Variants in BGN observed in about 807,000 individuals in gnomAD.
BGN encodes bone/cartilage proteoglycan-I.
Under a neutral mutation model 20.0 loss-of-function variants are expected in BGN, and 6 were observed. The observed-to-expected ratio is 0.30, with a 90% confidence interval of 0.16 to 0.59. The LOEUF (loss-of-function observed/expected upper bound fraction) is 0.59, where lower values mean the gene tolerates loss of function less well. BGN is among the 20% of genes least tolerant of loss of function. The pLI is 0.88. For synonymous variants in BGN, 146 were observed against 134.6 expected, an observed-to-expected ratio of 1.08 and a Z score of -0.59; for missense variants, 292 against 312.1, an observed-to-expected ratio of 0.94 and a Z score of 0.49.
chrX:153,505,593 C>T (rs2124235194), intron 3 of BGN, among the ~76,000 whole-genome samples: 1 of 112,091 alleles, frequency 8.9e-6, no homozygotes, highest in East Asian at 2.8e-4. Context: ...CGTTTCATCA[C>T]GTCCACTCCT....
chrX:153,503,714 C>T (rs1256372383), intron 1 of BGN, among the ~76,000 whole-genome samples: 2 of 112,382 alleles, frequency 1.8e-5, no homozygotes, highest in African/African-American at 3.2e-5. Flanking sequence ...CTCGCCGCCT[C>T]GGCCTGGGGG....
chrX:153,503,691 G>C (rs2980049), intron 1 of BGN, among the ~76,000 whole-genome samples: 47,163 of 110,878 alleles, frequency 0.43, 8,417 homozygotes, highest in East Asian at 0.87. Flanking sequence ...GGGCTGCTTC[G>C]CCTCCACTCC....
At chrX:153,504,966 G>A (rs1043247461) in intron 2 of BGN, 97 bp downstream of exon 2, 17 of 906,937 alleles carry the variant, frequency 1.9e-5, no homozygotes, top group Admixed American at 5.3e-5. Flanking sequence ...CCTGTGGGAC[G>A]GTGGCGAGCA....
intron 1 of BGN, among the ~76,000 whole-genome samples, chrX:153,502,254 C>A (rs1203693884): frequency 2.7e-5 from 3 of 112,599 alleles, no homozygotes; most frequent in Non-Finnish European, 5.6e-5. Flanking sequence ...CACCCCAACC[C>A]TACCTGTCCA....
chrX:153,503,371 C>T (rs1292602700), intron 1 of BGN, among the ~76,000 whole-genome samples: 4 of 112,300 alleles, frequency 3.6e-5, no homozygotes, highest in Admixed American at 9.3e-5. Flanking sequence ...CCTGGGCGTG[C>T]GACTGCTTCA....
At chrX:153,501,658 C>CA (rs1466297882) in intron 1 of BGN, among the ~76,000 whole-genome samples, 1 of 112,398 alleles carries the variant, frequency 8.9e-6, no homozygotes, top group Non-Finnish European at 1.9e-5. Context: ...GGAGAGGTCT[C>CA]AGTTTTGTGC....
chrX:153,495,035 C>G lies in BGN; in HGVS notation c.-90C>G, dbSNP rs1352097169. The G allele has an allele frequency of 9.1e-6, 1 of 109,818 alleles. No homozygotes were observed. Among genetic ancestry groups the G allele is most frequent in the Non-Finnish European group, 1.9e-5 (1 of 52,523 alleles). 9.1% of individuals were successfully genotyped at this position (109,818 alleles called of 1,213,427 possible). A position where few individuals can be genotyped will look rare whatever the true frequency, so the allele number is the denominator to read the frequency against. On this transcript the variant is annotated 5_prime_UTR_variant, in exon 1 of 8. Coordinates refer to ENST00000331595, the MANE Select transcript of BGN (RefSeq NM_001711.6). ...GCTGCTTTCGGTCCGCCGGACACAC[C>G]GGACAGATAGACGTGCGGACGGCCC... is the stretch of plus-strand genomic sequence containing the variant.
At position 153,506,556 on chromosome X, in the gene BGN, G is replaced by T. The variant is rs2089802018; in HGVS notation, c.593G>T (p.Ser198Ile). The T allele has an allele frequency of 1.7e-6, 2 of 1,211,633 alleles. No individual in the cohort carries two copies. The highest frequency in any genetic ancestry group is 2.2e-6 in the Non-Finnish European group (2 of 895,441). The stretch of plus-strand genomic sequence containing the variant: ...ATGGGCGGGAACCCACTGGAGAACA[G>T]TGGCTTTGAACCTGGAGCCTTCGAT... Reference protein sequence around the residue: ...IEMGGNPLENSGFEPGAFDGL... With the variant: ...IEMGGNPLENIGFEPGAFDGL... Residue 198 changes from serine (S) to isoleucine (I), a missense_variant, in exon 5 of 8, where the codon AGT becomes ATT. Ser to Ile is a moderately radical substitution (Grantham distance 142). Transcript: ENST00000331595.
chrX:153,503,601 G>A (rs1430297758), intron 1 of BGN, among the ~76,000 whole-genome samples: 2 of 112,131 alleles, frequency 1.8e-5, no homozygotes, highest in South Asian at 3.7e-4. Context: ...GCACATTCCC[G>A]GCTGCCTCTG....
At position 153,508,693 on chromosome X, in the gene BGN, C is replaced by T. The variant is rs2089821039; in HGVS notation, c.*248C>T. The T allele has an allele frequency of 2.4e-6, 1 of 421,589 alleles. No individual in the cohort carries two copies. The highest frequency in any genetic ancestry group is 2.5e-5 in the African/African-American group (1 of 40,045). 34.7% of individuals were successfully genotyped at this position (421,589 alleles called of 1,213,427 possible). A position where few individuals can be genotyped will look rare whatever the true frequency, so the allele number is the denominator to read the frequency against. On this transcript the variant is annotated 3_prime_UTR_variant, in exon 8 of 8. Transcript: ENST00000331595. ...TTGGCCTCAGAGCTGCCCCTGCTCT[C>T]CCACCACAGCCACCCAGAGGCACCC...
In BGN at chrX:153,508,805, G is replaced by C; in HGVS notation, c.*360G>C. 1 of 272,588 alleles carries C rather than the reference G, an allele frequency of 3.7e-6. No individual in the cohort carries two copies. The highest frequency in any genetic ancestry group is 8.2e-5 in the East Asian group (1 of 12,251). 22.5% of individuals were successfully genotyped at this position (272,588 alleles called of 1,213,427 possible). ...ACAGTCCCTGGGTCAGCAGCCAGGA[G>C]GCGGTCCATAAGAATGGGGACAGTG... On this transcript the variant is annotated 3_prime_UTR_variant, in exon 8 of 8. Coordinates refer to ENST00000331595, the MANE Select transcript of BGN (RefSeq NM_001711.6).
chrX:153,507,083 G>A lies in BGN; in HGVS notation c.807G>A (p.Glu269=), dbSNP rs373201465. 139 of 1,207,935 alleles carry A rather than the reference G, an allele frequency of 1.2e-4. No homozygotes were observed. The highest frequency in any genetic ancestry group is 2.6e-5 in the Non-Finnish European group (23 of 893,963). ...GCCACAACCAGATCAGGATGATCGAGAACGGGAGCCTGAGCTTCCTGCCCA... is the reference window on the plus strand; with the variant it reads ...GCCACAACCAGATCAGGATGATCGAAAACGGGAGCCTGAGCTTCCTGCCCA... ...GLGHNQIRMI[E]NGSLSFLPTL... Residue 269 remains glutamate (E), a synonymous_variant, in exon 7 of 8, where the codon GAG becomes GAA. Transcript: ENST00000331595.
At chrX:153,503,831 G>A (rs1312593930) in intron 1 of BGN, among the ~76,000 whole-genome samples, 1 of 107,266 alleles carries the variant, frequency 9.3e-6, no homozygotes, top group Non-Finnish European at 1.9e-5. Context: ...GGTGCGAGCA[G>A]ATCTGGGAGC....
At chrX:153,500,245 C>T (rs2089747290) in intron 1 of BGN, among the ~76,000 whole-genome samples, 2 of 112,945 alleles carry the variant, frequency 1.8e-5, no homozygotes, top group South Asian at 7.2e-4. Context: ...GGGGTGGTGG[C>T]GGAGGCTCCA....
rs782490749 is a variant in BGN, at chrX:153,506,696, G to T, written c.676+57G>T. ...TGCCTCACCCCCAACAGCACAGATG[G>T]CCAGGGTGGGGGCTCTGGATGGGCC... On this transcript the variant is annotated intron_variant, in intron 5 of 7. Transcript: ENST00000331595. 4.2e-3 allele frequency: 4,904 copies of T among 1,159,996 alleles called. 7 individuals carry two copies. The highest frequency in any genetic ancestry group is 4.9e-3 in the Non-Finnish European group (4,190 of 851,237).
chrX:153,500,666 T>C (rs1556991579), intron 1 of BGN, among the ~76,000 whole-genome samples: 1 of 113,028 alleles, frequency 8.8e-6, no homozygotes, highest in African/African-American at 3.2e-5. Context: ...TGTGTACATA[T>C]GTGTATGCGT....
chrX:153,505,166 A>G (rs1556992752), intron 2 of BGN, 72 bp from the exon 3 acceptor site: 17 of 888,190 alleles, frequency 1.9e-5, no homozygotes, highest in Non-Finnish European at 2.7e-5. Context: ...CTAGGTCTCG[A>G]GTTCATGCTG....
chrX:153,505,824 G>A, intron 3 of BGN, 39 bp from the exon 4 acceptor site: 2 of 1,105,407 alleles, frequency 1.8e-6, no homozygotes, highest in Non-Finnish European at 2.4e-6. Context: ...GTGGGGTGGG[G>A]AGTCTGTGCC....
At chrX:153,502,866 G>A (rs916643834) in intron 1 of BGN, among the ~76,000 whole-genome samples, 5 of 112,849 alleles carry the variant, frequency 4.4e-5, no homozygotes, top group Non-Finnish European at 7.5e-5. Context: ...GGCTGGCTGC[G>A]GAAAGGCCAC....
Sources: gnomAD v4.1 joint callset for allele counts (sites outside exome capture counted in the v4.1 genomes callset) on GRCh38, gnomAD v4.1.1 for gene constraint, MANE v1.5 for transcripts, NCBI Gene and HGNC (gene_info 2026-07-23, HGNC 2026-07-21) for gene names.